Variants in LSM8 observed in about 807,000 individuals in gnomAD.
LSM8 encodes the protein LSM8 U6 small nuclear RNA associated.
A neutral mutation model predicts 15.0 loss-of-function variants in LSM8; 14 were observed. The ratio of observed to expected loss-of-function variants is 0.93; its 90% CI spans 0.62 to 1.46. The LOEUF is 1.46. Ranked by LOEUF, LSM8 falls within the 40% of genes most tolerant of loss-of-function variation. LSM8 has a pLI of 0.00. For synonymous variants in LSM8, 50 were observed against 42.1 expected (o/e 1.19, Z -0.73); for missense variants, 90 against 115.4 (o/e 0.78, Z 1.01).
rs1481950655 is a variant in LSM8, at chr7:118,202,109, A to G, written c.*10107A>G. On this transcript the variant is annotated 3_prime_UTR_variant, in exon 4 of 4. Coordinates refer to ENST00000249299, the MANE Select transcript of LSM8 (RefSeq NM_016200.5). ...TCTGGCTGACTGCCTCATCAATGCT[A>G]TTTAATAACAGAATTCTGGGGATGT... 6.6e-6 allele frequency among the ~76,000 whole-genome samples: 1 copy of G among 152,114 alleles called. No homozygotes were observed. The highest frequency in any genetic ancestry group is 1.5e-5 in the Non-Finnish European group (1 of 67,986).
chr7:118,185,603 T>G, intron 1 of LSM8, 51 bp from the exon 2 acceptor site: 1 of 1,477,218 alleles, frequency 6.8e-7, no homozygotes, highest in Non-Finnish European at 9.4e-7. Context: ...TGCCAGAGTC[T>G]GTTTTCAATT....
In LSM8 at chr7:118,197,938, T is replaced by C. The variant is rs1809108371; in HGVS notation, c.*5936T>C. On this transcript the variant is annotated 3_prime_UTR_variant, in exon 4 of 4. Coordinates refer to ENST00000249299, the MANE Select transcript of LSM8 (RefSeq NM_016200.5). Reference sequence around the variant, plus strand: ...CATACTAATTTGTCAATATTAATGATAGCTAACAATTATCCTGATATTGAA... The same window carrying C: ...CATACTAATTTGTCAATATTAATGACAGCTAACAATTATCCTGATATTGAA... Among the ~76,000 whole-genome samples, 1 of 152,220 alleles carries C rather than the reference T, an allele frequency of 6.6e-6. No homozygotes were observed. The highest frequency in any genetic ancestry group is 2.4e-5 in the African/African-American group (1 of 41,460).
In LSM8 at chr7:118,196,634, A is replaced by G. The variant is rs751619992; in HGVS notation, c.*4632A>G. 2.7e-5 allele frequency among the ~76,000 whole-genome samples: 4 copies of G among 148,694 alleles called. No homozygotes were observed. Among genetic ancestry groups the G allele is most frequent in the East Asian group, 2.0e-4 (1 of 4,954 alleles). ...TTTTTTTTAACTCAATTTTTGTGTT[A>G]GTTTTTTGTTATGCCTTTTCATTTC... On this transcript the variant is annotated 3_prime_UTR_variant, in exon 4 of 4. Coordinates refer to ENST00000249299, the MANE Select transcript of LSM8 (RefSeq NM_016200.5).
In LSM8 at chr7:118,192,007, A is replaced by G. The variant is rs1808990866; in HGVS notation, c.*5A>G. Reference sequence around the variant, plus strand: ...TTAAATTCTGTAGCACACTGAGGAAAAACTACATACTTGGACATCTGTAAA... The same window carrying G: ...TTAAATTCTGTAGCACACTGAGGAAGAACTACATACTTGGACATCTGTAAA... On this transcript the variant is annotated 3_prime_UTR_variant, in exon 4 of 4. Coordinates refer to ENST00000249299, the MANE Select transcript of LSM8 (RefSeq NM_016200.5). The G allele has an allele frequency of 1.9e-6, 3 of 1,586,846 alleles. No homozygotes were observed. The highest frequency in any genetic ancestry group is 3.4e-5 in the Admixed American group (2 of 59,268).
At chr7:118,188,547 C>T in intron 3 of LSM8, 142 bp downstream of exon 3, 1 of 739,682 alleles carries the variant, frequency 1.4e-6, no homozygotes, top group Non-Finnish European at 2.0e-6. Flanking sequence ...TATACCTTTT[C>T]TTATGTTTGT....
At position 118,192,698 on chromosome 7, in the gene LSM8, TACAG is replaced by T. The variant is rs1198052099; in HGVS notation, c.*701_*704del. 3.3e-5 allele frequency: 5 copies of T among 152,170 alleles called. No homozygotes were observed. The highest frequency in any genetic ancestry group is 3.3e-4 in the Admixed American group (5 of 15,286). The allele number at this position is 152,170 out of a possible 1,614,324, so 9.4% of individuals were successfully genotyped here. On this transcript the variant is annotated 3_prime_UTR_variant, in exon 4 of 4. Transcript: ENST00000249299. ...ATATGAACACATTAATGTTGAATTT[TACAG>T]ACAGTATATTTGAAAAAAATTGATT...
At chr7:118,188,229 C>G (rs1170706346) in intron 2 of LSM8, 49 bp from the exon 3 acceptor site, 4 of 1,596,456 alleles carry the variant, frequency 2.5e-6, no homozygotes, top group Non-Finnish European at 2.6e-6. Flanking sequence ...TTTACACTTT[C>G]AGGTAAACCA....
chr7:118,184,310 C>G (rs1808844949), intron 1 of LSM8, 56 bp downstream of exon 1: 2 of 1,437,164 alleles, frequency 1.4e-6, no homozygotes, highest in South Asian at 1.4e-5. Context: ...AGGCCGCGGT[C>G]GGGGATCGGT....
In LSM8 at chr7:118,193,298, A is replaced by G. The variant is rs1584708106; in HGVS notation, c.*1296A>G. ...TGGGGGTTGGATTGGGCTTGAAGGC[A>G]TAGTTGCTGACCCTTGGCTTAATAC... On this transcript the variant is annotated 3_prime_UTR_variant, in exon 4 of 4. Coordinates refer to ENST00000249299, the MANE Select transcript of LSM8 (RefSeq NM_016200.5). 6.6e-6 allele frequency among the ~76,000 whole-genome samples: 1 copy of G among 152,132 alleles called. No individual in the cohort carries two copies. Among genetic ancestry groups the G allele is most frequent in the East Asian group, 1.9e-4 (1 of 5,202 alleles).
In LSM8 at chr7:118,184,311, G is replaced by A. The variant is rs1411129698; in HGVS notation, c.31+57G>A. ...CCGGGGTCGCGGAGAGGCCGCGGTC[G>A]GGGATCGGTGGGAGGTTGGGAGGCC... is the stretch of plus-strand genomic sequence containing the variant. On this transcript the variant is annotated intron_variant, in intron 1 of 3. Coordinates refer to ENST00000249299, the MANE Select transcript of LSM8 (RefSeq NM_016200.5). The A allele has an allele frequency of 4.2e-6, 6 of 1,435,118 alleles. No homozygotes were observed. The South Asian group carries it at 8.5e-5, about 20-fold the overall frequency. The allele number at this position is 1,435,118 out of a possible 1,614,324, so 88.9% of individuals were successfully genotyped here. A position where few individuals can be genotyped will look rare whatever the true frequency, so the allele number is the denominator to read the frequency against.
At chr7:118,191,430 T>G (rs1808979203) in intron 3 of LSM8, 1 of 152,430 alleles carries the variant, frequency 6.6e-6, no homozygotes, top group Admixed American at 6.5e-5. Flanking sequence ...ACTGAAAACT[T>G]AGGAAAACAA....
rs1809019870 is a variant in LSM8, at chr7:118,193,434, A to G, written c.*1432A>G. Among the ~76,000 whole-genome samples the G allele has an allele frequency of 6.6e-6, 1 of 152,124 alleles. No homozygotes were observed. The highest frequency in any genetic ancestry group is 2.4e-5 in the African/African-American group (1 of 41,432). ...TTAAAATATTTTAAACTTCATACTT[A>G]TTAAACATAATAGCTTTTTGGGGGA... On this transcript the variant is annotated 3_prime_UTR_variant, in exon 4 of 4. Coordinates refer to ENST00000249299, the MANE Select transcript of LSM8 (RefSeq NM_016200.5).
At position 118,191,981 on chromosome 7, in the gene LSM8, T is replaced by C. The variant is rs1265554978; in HGVS notation, c.270T>C (p.Pro90=). 1.2e-6 allele frequency: 2 copies of C among 1,611,174 alleles called. No individual in the cohort carries two copies. The highest frequency in any genetic ancestry group is 1.7e-6 in the Non-Finnish European group (2 of 1,177,860). The change falls in exon 4 of 4, where the codon CCT becomes CCC. Residue 90 remains proline, a synonymous_variant. Transcript: ENST00000249299. Reference sequence around the variant, plus strand: ...ATTTGGGGAATATTCGAGCAGAACCTTTAAATTCTGTAGCACACTGAGGAA... The same window carrying C: ...ATTTGGGGAATATTCGAGCAGAACCCTTAAATTCTGTAGCACACTGAGGAA... ...ALDLGNIRAE[P]LNSVAH
rs923022550 is a variant in LSM8, at chr7:118,203,438, A to G, written c.*11436A>G. Among the ~76,000 whole-genome samples the G allele has an allele frequency of 2.7e-5, 4 of 149,252 alleles. No individual in the cohort carries two copies. The highest frequency in any genetic ancestry group is 1.3e-4 in the Admixed American group (2 of 15,072). The stretch of plus-strand genomic sequence containing the variant: ...GTGATTATTCAAGCTGTAGACTTAA[A>G]TTTTTTAAATAGAGTAATGGTTGTT... On this transcript the variant is annotated 3_prime_UTR_variant, in exon 4 of 4. Coordinates refer to ENST00000249299, the MANE Select transcript of LSM8 (RefSeq NM_016200.5).
At chr7:118,185,253 GT>G (rs113235613) in intron 1 of LSM8, 10,315 of 143,088 alleles carry the variant, frequency 0.072, 294 homozygotes, top group East Asian at 0.11. Flanking sequence ...CTTTTTTTAA[GT>G]TTTTTTTTTT....
rs57842865 is a variant in LSM8 at position 118,198,491 on chromosome 7, C to T, written c.*6489C>T. 3.3e-4 allele frequency among the ~76,000 whole-genome samples: 50 copies of T among 152,160 alleles called. 1 individual carries two copies. The East Asian group carries it at 6.6e-3, about 20-fold the overall frequency. On this transcript the variant is annotated 3_prime_UTR_variant, in exon 4 of 4. Transcript: ENST00000249299. The stretch of plus-strand genomic sequence containing the variant: ...ATGACAGTAACAGAGATGACATGCC[C>T]GGTAAACTGGTGTTTGAAGGCAATA...
In LSM8 at chr7:118,192,104, T is replaced by G; in HGVS notation, c.*102T>G. 1.5e-6 allele frequency: 1 copy of G among 687,556 alleles called. No homozygotes were observed. The highest frequency in any genetic ancestry group is 2.3e-6 in the Non-Finnish European group (1 of 438,234). 42.6% of individuals were successfully genotyped at this position (687,556 alleles called of 1,614,324 possible). On this transcript the variant is annotated 3_prime_UTR_variant, in exon 4 of 4. Coordinates refer to ENST00000249299, the MANE Select transcript of LSM8 (RefSeq NM_016200.5). The stretch of plus-strand genomic sequence containing the variant: ...TATGAGTGTGTCACTGGATTTTGAC[T>G]CCTTATTGATTCATTGTAATATGTA...
rs1386887841 is a variant in LSM8, at chr7:118,194,485, AT to A, written c.*2484del. On this transcript the variant is annotated 3_prime_UTR_variant, in exon 4 of 4. Coordinates refer to ENST00000249299, the MANE Select transcript of LSM8 (RefSeq NM_016200.5). ...TGACAGTTTTGGCTAAATATTACAA[AT>A]CTTGATCCCAGAAGAGCAAGAGAGA... Among the ~76,000 whole-genome samples, 5 of 152,142 alleles carry A rather than the reference AT, an allele frequency of 3.3e-5. No individual in the cohort carries two copies. Among genetic ancestry groups the A allele is most frequent in the African/African-American group, 1.2e-4 (5 of 41,436 alleles).
rs1381659207 is a variant in LSM8 at position 118,196,165 on chromosome 7, G to C, written c.*4163G>C. On this transcript the variant is annotated 3_prime_UTR_variant, in exon 4 of 4. Coordinates refer to ENST00000249299, the MANE Select transcript of LSM8 (RefSeq NM_016200.5). ...CTTATCAAGCCATTAATACATGCCA[G>C]GCAGTATGCTCAAAGCTGTGGATAG... Among the ~76,000 whole-genome samples the C allele has an allele frequency of 6.6e-6, 1 of 152,146 alleles. No homozygotes were observed. The highest frequency in any genetic ancestry group is 1.5e-5 in the Non-Finnish European group (1 of 68,030).
Sources: gnomAD v4.1 joint callset for allele counts (sites outside exome capture counted in the v4.1 genomes callset) on GRCh38, gnomAD v4.1.1 for gene constraint, MANE v1.5 for transcripts, NCBI Gene and HGNC (gene_info 2026-07-23, HGNC 2026-07-21) for gene names.